CNGB1: variants seen among roughly 807,000 people sequenced by gnomAD.
CNGB1 encodes the protein cyclic nucleotide-gated channel beta-1.
CNGB1 carries 126 observed loss-of-function variants against 151.7 expected under a neutral mutation model. The ratio of observed to expected loss-of-function variants is 0.83; its 90% CI spans 0.72 to 0.96. CNGB1 has a LOEUF of 0.96. Ranked by LOEUF, CNGB1 falls within the 40% of genes least tolerant of loss-of-function variation. The probability of loss-of-function intolerance (pLI) is 0.00; values close to 1 mark genes in which losing one functional copy is unlikely to be tolerated. For missense variants in CNGB1, 1,698 were observed against 1,627.0 expected (o/e 1.04, Z -0.75); for synonymous variants, 623 against 635.1 (o/e 0.98, Z 0.29).
At chr16:57,947,753 A>G (rs553277359) in intron 14 of CNGB1, among the ~76,000 whole-genome samples, 3 of 152,288 alleles carry the variant, frequency 2.0e-5, no homozygotes, top group Non-Finnish European at 2.9e-5. Flanking sequence ...TCCTGACTGG[A>G]ACGAAAAGAG....
At chr16:57,927,914 C>G (rs1406205347) in intron 17 of CNGB1, among the ~76,000 whole-genome samples, 3 of 152,228 alleles carry the variant, frequency 2.0e-5, no homozygotes, top group Non-Finnish European at 4.4e-5. Flanking sequence ...TACTCCAAGG[C>G]TCAGTGAAAC....
Position 57,950,458 on chromosome 16 carries a change from A to G in CNGB1, c.957T>C (p.Asp319=). Residue 319 remains aspartate, a synonymous_variant, in exon 13 of 33, where the codon GAT becomes GAC. Transcript: ENST00000251102. ...VEPPWEDAHQ[D]VSTSPQGTEV... is the part of the protein sequence containing the mutation. The stretch of plus-strand genomic sequence containing the variant: ...CTGTACCCTGTGGGCTGGTACTGAC[A>G]TCCTGGTGGGCATCCTCCCAGGGCG... The G allele has an allele frequency of 3.7e-6, 6 of 1,614,224 alleles. No homozygotes were observed. Among genetic ancestry groups the G allele is most frequent in the Non-Finnish European group, 4.2e-6 (5 of 1,180,028 alleles).
rs376912661 is a variant in CNGB1, at chr16:57,903,904, C to A, written c.2712G>T (p.Met904Ile). 6.2e-7 allele frequency: 1 copy of A among 1,614,170 alleles called. No homozygotes were observed. Among genetic ancestry groups the A allele is most frequent in the Admixed American group, 1.7e-5 (1 of 60,018 alleles). ...CGGACTTGGGGATCTTGTAGAAATT[C>A]ATGTACTTCACCGTGCTGTCCATGC... ...RSCMDSTVKY[M>I]NFYKIPKSVQ... The change falls in exon 27 of 33, where the codon ATG (methionine) becomes ATT (isoleucine). Residue 904 changes from methionine (M) to isoleucine (I), a missense_variant. Physicochemically the swap from Met to Ile is conservative, Grantham distance 10. Coordinates refer to ENST00000251102, the MANE Select transcript of CNGB1 (RefSeq NM_001297.5).
intron 24 of CNGB1, 41 bp from the exon 25 acceptor site, chr16:57,911,916 G>T (rs1266076728): frequency 2.5e-6 from 4 of 1,609,312 alleles, no homozygotes; most frequent in Admixed American, 1.7e-5. Context: ...CGGCGGAAGG[G>T]GGAGGTGAGG....
intron 18 of CNGB1, among the ~76,000 whole-genome samples, chr16:57,922,867 T>A (rs1343910045): frequency 2.6e-5 from 4 of 151,812 alleles, no homozygotes; most frequent in Admixed American, 1.3e-4. Flanking sequence ...GGGAATCTTT[T>A]TTTTTTTTCT....
At chr16:57,926,766 G>A (rs1961201576) in intron 17 of CNGB1, among the ~76,000 whole-genome samples, 1 of 152,112 alleles carries the variant, frequency 6.6e-6, no homozygotes, top group Non-Finnish European at 1.5e-5. Flanking sequence ...GATCACTTGA[G>A]GTCAGGAGTT....
intron 12 of CNGB1, 27 bp downstream of exon 12, chr16:57,957,314 A>G (rs373607252): frequency 1.9e-6 from 3 of 1,609,350 alleles, no homozygotes; most frequent in South Asian, 1.1e-5. Flanking sequence ...TAATATGTAC[A>G]TGGGGACTCA....
At chr16:57,931,913 G>A in intron 16 of CNGB1, 35 bp from the exon 17 acceptor site, 1 of 1,612,366 alleles carries the variant, frequency 6.2e-7, no homozygotes, top group Non-Finnish European at 8.5e-7. Context: ...AAGTCAGAGA[G>A]AGACAAAAGC....
chr16:57,944,950 TTAA>T (rs1168893541), intron 14 of CNGB1, among the ~76,000 whole-genome samples: 11 of 106,898 alleles, frequency 1.0e-4, no homozygotes, highest in Non-Finnish European at 1.3e-4. Context: ...GACTCTGTCT[TTAA>T]AAAAAAAAAA....
At position 57,958,412 on chromosome 16, in the gene CNGB1, G is replaced by C. The variant is rs767166476; in HGVS notation, c.835C>G (p.Gln279Glu). 2 of 1,576,472 alleles carry C rather than the reference G, an allele frequency of 1.3e-6. No individual in the cohort carries two copies. The highest frequency in any genetic ancestry group is 8.6e-7 in the Non-Finnish European group (1 of 1,166,716). Residue 279 changes from glutamine to glutamate, a missense_variant and splice_region_variant, in exon 11 of 33, where the codon CAG becomes GAG. Gln to Glu is a conservative substitution (Grantham distance 29, BLOSUM62 2). Coordinates refer to ENST00000251102, the MANE Select transcript of CNGB1 (RefSeq NM_001297.5). ...CACTCCATGAGCCCAGCACTGACCTGTTCCCCTATTTTCCCATGTAGCACT... is the reference window on the plus strand; with the variant it reads ...CACTCCATGAGCCCAGCACTGACCTCTTCCCCTATTTTCCCATGTAGCACT... ...QPVLHGKIGE[Q>E]EPDSPGICDV...
intron 29 of CNGB1, among the ~76,000 whole-genome samples, chr16:57,898,464 G>C (rs1191891556): frequency 6.6e-6 from 1 of 151,976 alleles, no homozygotes; most frequent in African/African-American, 2.4e-5. Flanking sequence ...TGCAACCTCT[G>C]CCTCCTGGGT....
At chr16:57,909,804 G>A (rs1158755036) in intron 25 of CNGB1, among the ~76,000 whole-genome samples, 2 of 152,114 alleles carry the variant, frequency 1.3e-5, no homozygotes, top group Admixed American at 6.6e-5. Context: ...CCTTTTCATC[G>A]AGGCAGTTAG....
rs951518301 is a variant in CNGB1 at position 57,970,383 on chromosome 16, T to G, written c.-9+677A>C. On this transcript the variant is annotated intron_variant, in intron 1 of 32. Coordinates refer to ENST00000251102, the MANE Select transcript of CNGB1 (RefSeq NM_001297.5). ...TCACCACCACGCCCCGCCCAGCCCCTGCACTCAGTAAAATAAGAATTTTCA... is the reference window on the plus strand; with the variant it reads ...TCACCACCACGCCCCGCCCAGCCCCGGCACTCAGTAAAATAAGAATTTTCA... Among the ~76,000 whole-genome samples the G allele has an allele frequency of 2.4e-4, 37 of 152,300 alleles. 1 individual carries two copies. Among genetic ancestry groups the G allele is most frequent in the African/African-American group, 7.9e-4 (33 of 41,576 alleles).
intron 31 of CNGB1, among the ~76,000 whole-genome samples, chr16:57,894,949 A>G (rs1960182842): frequency 6.6e-6 from 1 of 152,230 alleles, no homozygotes; most frequent in Non-Finnish European, 1.5e-5. Context: ...ACGACTCCAG[A>G]TAACTTTGAA....
chr16:57,917,374 T>C lies in CNGB1; in HGVS notation c.2060A>G (p.Asn687Ser), dbSNP rs766264215. 2.1e-5 allele frequency: 34 copies of C among 1,613,990 alleles called. No individual in the cohort carries two copies. Among genetic ancestry groups the C allele is most frequent in the Admixed American group, 3.3e-5 (2 of 59,990 alleles). The change falls in exon 21 of 33, where the codon AAC becomes AGC. Residue 687 changes from asparagine to serine, a missense_variant. Asn to Ser is a conservative substitution (Grantham distance 46, BLOSUM62 1). Coordinates refer to ENST00000251102, the MANE Select transcript of CNGB1 (RefSeq NM_001297.5). ...ATCCATCAGCAGCCAGTGGTGGATG[T>C]TGTCCGGGGTCTGGTAGGGGAAGGC... ...RWAFPYQTPD[N>S]IHHWLLMDYL...
chr16:57,940,098 C>T (rs752793291), intron 15 of CNGB1, 136 bp downstream of exon 15: 27 of 894,930 alleles, frequency 3.0e-5, no homozygotes, highest in Non-Finnish European at 4.3e-5. Context: ...TCGCAGGACC[C>T]GCCACCCTGC....
intron 31 of CNGB1, among the ~76,000 whole-genome samples, chr16:57,896,775 T>TATATGCTTA (rs1960241726): frequency 6.6e-6 from 1 of 151,252 alleles, no homozygotes; most frequent in African/African-American, 2.4e-5. Flanking sequence ...ATAACTGGCC[T>TATATGCTTA]ATATGCTTAA....
At chr16:57,960,809 C>G in intron 8 of CNGB1, 31 bp downstream of exon 8, 1 of 1,608,534 alleles carries the variant, frequency 6.2e-7, no homozygotes. Context: ...CCCATATACT[C>G]AACTCCCTGC....
chr16:57,919,069 C>A, intron 20 of CNGB1, 30 bp downstream of exon 20: 1 of 1,614,126 alleles, frequency 6.2e-7, no homozygotes, highest in Non-Finnish European at 8.5e-7. Flanking sequence ...TCATCTTACA[C>A]AGTGGGAACA....
Sources: gnomAD v4.1 joint callset for allele counts (sites outside exome capture counted in the v4.1 genomes callset) on GRCh38, gnomAD v4.1.1 for gene constraint, MANE v1.5 for transcripts, NCBI Gene and HGNC (gene_info 2026-07-23, HGNC 2026-07-21) for gene names.